ANO6: variants seen among roughly 807,000 people sequenced by gnomAD.
The protein encoded by ANO6 is anoctamin-6.
In ANO6, 106 loss-of-function variants were observed where a neutral mutation model predicts 117.5. That is an observed-to-expected ratio of 0.90 (90% CI 0.77 to 1.06). The LOEUF is 1.06. ANO6 is among the 50% of genes least tolerant of loss of function. The pLI, the probability that ANO6 is intolerant of heterozygous loss-of-function variation, is 0.00. For synonymous variants in ANO6, 367 were observed against 385.1 expected (o/e 0.95, Z 0.55); for missense variants, 955 against 1,121.1 (o/e 0.85, Z 2.12).
At chr12:45,408,572 A>G (rs751855076) in intron 15 of ANO6, among the ~76,000 whole-genome samples, 1 of 152,230 alleles carries the variant, frequency 6.6e-6, no homozygotes, top group Non-Finnish European at 1.5e-5. Context: ...CTAGCTCTGC[A>G]CTATGACCTG....
chr12:45,400,175 ACTAC>A (rs1942745531), intron 12 of ANO6, among the ~76,000 whole-genome samples: 1 of 152,226 alleles, frequency 6.6e-6, no homozygotes, highest in African/African-American at 2.4e-5. Context: ...ATAATATTAT[ACTAC>A]CTTCCTCACA....
intron 16 of ANO6, among the ~76,000 whole-genome samples, chr12:45,412,180 T>C (rs981564772): frequency 1.3e-5 from 2 of 152,184 alleles, no homozygotes; most frequent in African/African-American, 4.8e-5. Flanking sequence ...CAGAACATAA[T>C]AAACGTAGTT....
intron 2 of ANO6, among the ~76,000 whole-genome samples, chr12:45,312,136 T>C (rs1406796931): frequency 2.0e-5 from 3 of 152,006 alleles, no homozygotes; most frequent in African/African-American, 7.2e-5. Context: ...CAAAATTAAT[T>C]TGACAAAAAC....
At chr12:45,293,217 ATTTG>A (rs1367103523) in intron 1 of ANO6, among the ~76,000 whole-genome samples, 1 of 152,158 alleles carries the variant, frequency 6.6e-6, no homozygotes, top group Non-Finnish European at 1.5e-5. Flanking sequence ...TAATTTCATC[ATTTG>A]TTTATTTTCT....
intron 1 of ANO6, among the ~76,000 whole-genome samples, chr12:45,267,935 T>C (rs923490844): frequency 6.6e-6 from 1 of 152,178 alleles, no homozygotes; most frequent in South Asian, 2.1e-4. Context: ...CAAAACTGTA[T>C]TGAAGGGTAT....
intron 1 of ANO6, among the ~76,000 whole-genome samples, chr12:45,266,368 T>TA (rs1565654095): frequency 6.6e-6 from 1 of 152,208 alleles, no homozygotes; most frequent in Admixed American, 6.5e-5. Context: ...ACCATACTTT[T>TA]AAAAATATAT....
intron 1 of ANO6, among the ~76,000 whole-genome samples, chr12:45,233,670 T>A (rs1475965747): frequency 6.6e-6 from 1 of 152,204 alleles, no homozygotes; most frequent in Non-Finnish European, 1.5e-5. Context: ...ATTTTACATA[T>A]AGTAAAATGT....
At chr12:45,315,996 T>C (rs1940011349) in intron 2 of ANO6, among the ~76,000 whole-genome samples, 1 of 152,084 alleles carries the variant, frequency 6.6e-6, no homozygotes, top group Non-Finnish European at 1.5e-5. Context: ...ATTACCACTT[T>C]TGCCACACAC....
intron 1 of ANO6, among the ~76,000 whole-genome samples, chr12:45,247,001 G>A (rs570366115): frequency 5.3e-5 from 8 of 151,882 alleles, no homozygotes; most frequent in Non-Finnish European, 1.0e-4. Context: ...GCGTGATCTC[G>A]GCTCACTGCA....
rs1942796753 is a variant in ANO6, at chr12:45,401,840, C to T, written c.1432C>T (p.Leu478Phe). ...AGTTATTGGGATCATTGTCTATAGG[C>T]TCTCGGTGTTCATTGTATTTTCTGC... ...ASVIGIIVYRLSVFIVFSAKL... is the reference protein window; with the variant it reads ...ASVIGIIVYRFSVFIVFSAKL... The change falls in exon 13 of 20, where the codon CTC (leucine) becomes TTC (phenylalanine). Residue 478 changes from leucine to phenylalanine, a missense_variant. By Grantham distance (22) the Leu-to-Phe change is conservative (BLOSUM62 0). Transcript: ENST00000320560. 1 of 1,613,870 alleles carries T rather than the reference C, an allele frequency of 6.2e-7. No individual in the cohort carries two copies. The highest frequency in any genetic ancestry group is 8.5e-7 in the Non-Finnish European group (1 of 1,179,984).
intron 2 of ANO6, among the ~76,000 whole-genome samples, chr12:45,319,500 C>G (rs1392753754): frequency 1.3e-5 from 2 of 152,140 alleles, no homozygotes; most frequent in African/African-American, 4.8e-5. Flanking sequence ...TTTTGATGTG[C>G]TGCTGGATTT....
chr12:45,283,443 A>G (rs983611735), intron 1 of ANO6, among the ~76,000 whole-genome samples: 4 of 152,242 alleles, frequency 2.6e-5, no homozygotes, highest in Non-Finnish European at 4.4e-5. Flanking sequence ...TAGATGGGAC[A>G]GGATGGGGAA....
intron 1 of ANO6, among the ~76,000 whole-genome samples, chr12:45,217,588 G>T (rs960055896): frequency 3.9e-5 from 6 of 152,138 alleles, no homozygotes; most frequent in African/African-American, 1.4e-4. Flanking sequence ...CATCTTTAAG[G>T]AGAGAGCAAA....
At chr12:45,328,080 C>G (rs1940532696) in intron 2 of ANO6, among the ~76,000 whole-genome samples, 1 of 152,104 alleles carries the variant, frequency 6.6e-6, no homozygotes, top group South Asian at 2.1e-4. Context: ...ACATTTGACT[C>G]TAAAACAGAC....
chr12:45,253,964 C>T (rs1289513001), intron 1 of ANO6, among the ~76,000 whole-genome samples: 2 of 152,082 alleles, frequency 1.3e-5, no homozygotes, highest in African/African-American at 2.4e-5. Context: ...GTCAAGAGAT[C>T]GAGACCATCC....
At chr12:45,266,638 C>T (rs993012696) in intron 1 of ANO6, among the ~76,000 whole-genome samples, 4 of 152,002 alleles carry the variant, frequency 2.6e-5, no homozygotes, top group Admixed American at 1.3e-4. Flanking sequence ...TCTACAAAAA[C>T]GTTAAAAAAT....
At chr12:45,346,981 T>C (rs766155912) in intron 3 of ANO6, 41 bp from the exon 4 acceptor site, 98 of 1,600,320 alleles carry the variant, frequency 6.1e-5, no homozygotes, top group Non-Finnish European at 7.8e-5. Context: ...CTGCCTTTGG[T>C]AAACTAAAGG....
At position 45,403,203 on chromosome 12, in the gene ANO6, G is replaced by T. The variant is rs755579389; in HGVS notation, c.1744G>T (p.Asp582Tyr). The T allele has an allele frequency of 6.2e-6, 10 of 1,613,874 alleles. 1 individual carries two copies. In the South Asian group the frequency reaches 1.1e-4, roughly 18 times the overall value. Residue 582 changes from aspartate to tyrosine, a missense_variant, in exon 14 of 20, where the codon GAC (aspartate) becomes TAC (tyrosine). Physicochemically the swap from Asp to Tyr is radical, Grantham distance 160. Coordinates refer to ENST00000320560, the MANE Select transcript of ANO6 (RefSeq NM_001025356.3). ...FKGKFVGYPG[D>Y]PVYWLGKYRN... ...GGGCAAATTTGTAGGCTATCCAGGA[G>T]ACCCAGTTTATTGGTTGGGAAAATA...
At chr12:45,370,363 G>A (rs779074299) in intron 9 of ANO6, among the ~76,000 whole-genome samples, 2 of 152,246 alleles carry the variant, frequency 1.3e-5, no homozygotes, top group Non-Finnish European at 2.9e-5. Flanking sequence ...GAGCAAGGCA[G>A]CTGGACTGAT....
Sources: gnomAD v4.1 joint callset for allele counts (sites outside exome capture counted in the v4.1 genomes callset) on GRCh38, gnomAD v4.1.1 for gene constraint, MANE v1.5 for transcripts, NCBI Gene and HGNC (gene_info 2026-07-23, HGNC 2026-07-21) for gene names.